The following TPD52L1 variants were observed in gnomAD, a reference collection of about 807,000 sequenced individuals.
TPD52L1 encodes the protein tumor protein D53.
A neutral mutation model predicts 28.7 loss-of-function variants in TPD52L1; 18 were observed. The ratio of observed to expected loss-of-function variants is 0.63; its 90% CI spans 0.43 to 0.93. The LOEUF (loss-of-function observed/expected upper bound fraction) is 0.93, where lower values mean the gene tolerates loss of function less well. Among genes scored for constraint, TPD52L1 ranks in the 40% least tolerant of loss-of-function variants. The pLI is 0.00. For missense variants in TPD52L1, 203 were observed against 254.8 expected (o/e 0.80, Z 1.39); for synonymous variants, 75 against 88.8 (o/e 0.84, Z 0.88).
intron 1 of TPD52L1, among the ~76,000 whole-genome samples, chr6:125,192,109 G>A (rs947804823): frequency 1.3e-5 from 2 of 152,044 alleles, no homozygotes; most frequent in Non-Finnish European, 2.9e-5. Context: ...ATAGTGGGAG[G>A]GGCTGAGGTT....
At chr6:125,247,044 A>C (rs1562373628) in intron 3 of TPD52L1, among the ~76,000 whole-genome samples, 1 of 152,128 alleles carries the variant, frequency 6.6e-6, no homozygotes, top group Non-Finnish European at 1.5e-5. Context: ...CCTAGGGAAG[A>C]CCAAGGCACA....
chr6:125,226,900 A>G (rs1369775843), intron 2 of TPD52L1, among the ~76,000 whole-genome samples: 2 of 152,170 alleles, frequency 1.3e-5, no homozygotes, highest in Non-Finnish European at 1.5e-5. Flanking sequence ...AAAGAATAGA[A>G]GGGCTTAATT....
intron 1 of TPD52L1, among the ~76,000 whole-genome samples, chr6:125,168,736 T>C (rs1791080313): frequency 6.6e-6 from 1 of 152,172 alleles, no homozygotes; most frequent in African/African-American, 2.4e-5. Flanking sequence ...CAGGATGGTC[T>C]CGATCTCTTG....
intron 1 of TPD52L1, among the ~76,000 whole-genome samples, chr6:125,167,297 C>T (rs1252755313): frequency 6.6e-6 from 1 of 152,062 alleles, no homozygotes; most frequent in East Asian, 1.9e-4. Context: ...GGCAAAGTGG[C>T]ATATTTTGGG....
chr6:125,255,059 T>A (rs546857137), intron 5 of TPD52L1, among the ~76,000 whole-genome samples: 8 of 152,292 alleles, frequency 5.3e-5, no homozygotes, highest in African/African-American at 1.9e-4. Flanking sequence ...AGAATAAGAA[T>A]GCCCCAGTTG....
At chr6:125,236,789 T>G (rs2115006003) in intron 3 of TPD52L1, among the ~76,000 whole-genome samples, 1 of 152,258 alleles carries the variant, frequency 6.6e-6, no homozygotes, top group South Asian at 2.1e-4. Flanking sequence ...CCTTCCCTGG[T>G]TTCCTTTTTA....
chr6:125,258,597 T>C (rs1454205031), intron 6 of TPD52L1, among the ~76,000 whole-genome samples: 3 of 152,184 alleles, frequency 2.0e-5, no homozygotes, highest in Non-Finnish European at 4.4e-5. Context: ...GAAGGAGATA[T>C]GAAGAAGCAA....
intron 1 of TPD52L1, among the ~76,000 whole-genome samples, chr6:125,201,332 C>T (rs1285889434): frequency 1.3e-5 from 2 of 152,154 alleles, no homozygotes; most frequent in African/African-American, 4.8e-5. Context: ...GGGGTCGCAA[C>T]AACTTTTGCA....
At chr6:125,255,519 A>G (rs1013831886) in intron 5 of TPD52L1, among the ~76,000 whole-genome samples, 1 of 152,180 alleles carries the variant, frequency 6.6e-6, no homozygotes, top group Non-Finnish European at 1.5e-5. Context: ...CTCTGAATTC[A>G]CCATTGTTAA....
intron 1 of TPD52L1, chr6:125,214,572 C>A: frequency 2.0e-6 from 1 of 493,716 alleles, no homozygotes; most frequent in Non-Finnish European, 2.6e-6. Context: ...AGAACATTGC[C>A]TCAAAAAAAA....
chr6:125,244,136 T>A (rs1238381981), intron 3 of TPD52L1, among the ~76,000 whole-genome samples: 1 of 152,200 alleles, frequency 6.6e-6, no homozygotes, highest in East Asian at 1.9e-4. Flanking sequence ...AGTTGTTACA[T>A]TCTTGGTGAG....
chr6:125,237,766 C>T (rs1582991780), intron 3 of TPD52L1, among the ~76,000 whole-genome samples: 1 of 110,850 alleles, frequency 9.0e-6, no homozygotes, highest in Non-Finnish European at 1.8e-5. Flanking sequence ...GCCTCAGCCT[C>T]CCGAGTTGCT....
In TPD52L1 at chr6:125,178,651, AAAAC is replaced by A. The variant is rs1312892285; in HGVS notation, c.19+24685_19+24688del. 4.6e-3 allele frequency among the ~76,000 whole-genome samples: 582 copies of A among 125,840 alleles called. 6 individuals are homozygous for A. In the East Asian group the frequency reaches 0.074, roughly 16 times the overall value. The allele number at this position is 125,840 out of a possible 152,430, so 82.6% of individuals were successfully genotyped here. A position where few individuals can be genotyped will look rare whatever the true frequency, so the allele number is the denominator to read the frequency against. The stretch of plus-strand genomic sequence containing the variant: ...AAAACAAAACAAAACAAAACAAAAC[AAAAC>A]AAAATATATATATATATATATTTGG... On this transcript the variant is annotated intron_variant, in intron 1 of 6. Coordinates refer to ENST00000534000, the MANE Select transcript of TPD52L1 (RefSeq NM_003287.4).
chr6:125,204,144 GA>G (rs747839765), intron 1 of TPD52L1, among the ~76,000 whole-genome samples: 38 of 152,138 alleles, frequency 2.5e-4, no homozygotes, highest in Non-Finnish European at 4.9e-4. Flanking sequence ...GATTCATCTT[GA>G]TCTTTTTCAC....
intron 1 of TPD52L1, among the ~76,000 whole-genome samples, chr6:125,174,633 G>A (rs1393812098): frequency 6.6e-6 from 1 of 152,224 alleles, no homozygotes; most frequent in Admixed American, 6.5e-5. Context: ...GATATACAAA[G>A]CAATGTTCAT....
rs560958243 is a variant in TPD52L1, at chr6:125,185,812, G to A, written c.19+31842G>A. ...GAAACCTTTCTCTAGAGAAAAGTTA[G>A]AAATGAGAAAACAAACATAACCAAA... On this transcript the variant is annotated intron_variant, in intron 1 of 6. Coordinates refer to ENST00000534000, the MANE Select transcript of TPD52L1 (RefSeq NM_003287.4). 5.3e-5 allele frequency among the ~76,000 whole-genome samples: 8 copies of A among 151,110 alleles called. No individual in the cohort carries two copies. In the South Asian group the frequency reaches 1.0e-3, roughly 20 times the overall value.
intron 1 of TPD52L1, among the ~76,000 whole-genome samples, chr6:125,172,512 CTATATATA>C (rs60135828): frequency 3.6e-3 from 59 of 16,404 alleles, no homozygotes; most frequent in Non-Finnish European, 4.2e-3. Context: ...CTCTTTCATG[CTATATATA>C]TATATATATA....
chr6:125,191,348 G>C (rs1164798701), intron 1 of TPD52L1, among the ~76,000 whole-genome samples: 1 of 152,142 alleles, frequency 6.6e-6, no homozygotes, highest in Non-Finnish European at 1.5e-5. Flanking sequence ...CTGTGAAAGG[G>C]GGCAGCTTTT....
chr6:125,163,243 A>C (rs889401626), intron 1 of TPD52L1, among the ~76,000 whole-genome samples: 1 of 152,210 alleles, frequency 6.6e-6, no homozygotes, highest in Non-Finnish European at 1.5e-5. Context: ...TGATAATAGC[A>C]ATAACATTTT....
Sources: allele counts gnomAD v4.1 joint callset (sites outside exome capture counted in the v4.1 genomes callset), GRCh38; gene constraint gnomAD v4.1.1; transcripts MANE v1.5; gene names NCBI Gene and HGNC (gene_info 2026-07-23, HGNC 2026-07-21).